MFSD1: variants seen among roughly 807,000 people sequenced by gnomAD.
MFSD1 encodes the protein lysosomal dipeptide transporter MFSD1.
MFSD1 carries 59 observed loss-of-function variants against 67.1 expected under a neutral mutation model. That is an observed-to-expected ratio of 0.88 (90% confidence interval 0.71 to 1.09). The LOEUF (loss-of-function observed/expected upper bound fraction) is 1.09. Ranked by LOEUF, MFSD1 falls within the 50% of genes least tolerant of loss-of-function variation. The pLI, the probability that MFSD1 is intolerant of heterozygous loss-of-function variation, is 0.00. For synonymous variants in MFSD1, 213 were observed against 200.3 expected (o/e 1.06, Z -0.54); for missense variants, 552 against 566.1 (o/e 0.97, Z 0.25).
chr3:158,807,560 C>T, intron 5 of MFSD1, 97 bp downstream of exon 5: 1 of 991,830 alleles, frequency 1.0e-6, no homozygotes, highest in Non-Finnish European at 1.5e-6. Flanking sequence ...TGGGGAATTA[C>T]TTCAAATCTT....
At chr3:158,813,588 A>C (rs1271931134) in intron 6 of MFSD1, among the ~76,000 whole-genome samples, 1 of 152,212 alleles carries the variant, frequency 6.6e-6, no homozygotes, top group African/African-American at 2.4e-5. Flanking sequence ...ATTCAGAGGA[A>C]GATGTTTTTC....
intron 7 of MFSD1, 127 bp from the exon 8 acceptor site, chr3:158,819,522 C>T (rs1023873635): frequency 3.4e-5 from 16 of 476,190 alleles, no homozygotes; most frequent in South Asian, 4.1e-5. Context: ...AGATTTTTCT[C>T]GTGTCTTTAT....
intron 6 of MFSD1, among the ~76,000 whole-genome samples, chr3:158,811,611 A>G (rs578218917): frequency 6.6e-6 from 1 of 152,338 alleles, no homozygotes; most frequent in East Asian, 1.9e-4. Context: ...GTGGGCAGAA[A>G]GGCAAGGGGG....
Position 158,820,212 on chromosome 3 carries a change from A to T in MFSD1, c.752-3A>T. On this transcript the variant is annotated splice_region_variant and splice_polypyrimidine_tract_variant and intron_variant, in intron 8 of 15. Transcript: ENST00000415822. ...TGATAGTGTCTTCCCTTTCTTCTCTAAGGTGAAGTTATTAAATTAACTGAT... is the reference window on the plus strand; with the variant it reads ...TGATAGTGTCTTCCCTTTCTTCTCTTAGGTGAAGTTATTAAATTAACTGAT... 4 of 1,533,408 alleles carry T rather than the reference A, an allele frequency of 2.6e-6. No individual in the cohort carries two copies. Among genetic ancestry groups the T allele is most frequent in the Non-Finnish European group, 3.6e-6 (4 of 1,107,084 alleles). The allele number at this position is 1,533,408 out of a possible 1,614,324, so 95.0% of individuals were successfully genotyped here.
intron 1 of MFSD1, 159 bp downstream of exon 1, chr3:158,802,474 C>G: frequency 2.3e-6 from 2 of 871,662 alleles, no homozygotes; most frequent in South Asian, 1.4e-5. Context: ...TCGATTCCAG[C>G]CACACCTGTG....
In MFSD1 at chr3:158,829,616, A is replaced by G. The variant is rs545574055; in HGVS notation, c.*634A>G. ...TTAGGGATGTAATTTTATAGTATAA[A>G]CTTTCTGTACAGTTTTTCTTATAGT... is the stretch of plus-strand genomic sequence containing the variant. On this transcript the variant is annotated 3_prime_UTR_variant, in exon 16 of 16. Coordinates refer to ENST00000415822, the MANE Select transcript of MFSD1 (RefSeq NM_022736.4). 6.6e-6 allele frequency: 1 copy of G among 152,298 alleles called. No homozygotes were observed. The highest frequency in any genetic ancestry group is 1.5e-5 in the Non-Finnish European group (1 of 68,014). 9.4% of individuals were successfully genotyped at this position (152,298 alleles called of 1,614,324 possible).
chr3:158,816,047 C>G (rs1730319375), intron 7 of MFSD1, among the ~76,000 whole-genome samples: 1 of 152,000 alleles, frequency 6.6e-6, no homozygotes, highest in African/African-American at 2.4e-5. Context: ...TTAATCCAGT[C>G]TATCATTGTT....
At chr3:158,822,503 G>C (rs919199462) in intron 11 of MFSD1, 2 of 155,956 alleles carry the variant, frequency 1.3e-5, no homozygotes, top group African/African-American at 2.4e-5. Context: ...AAATCTGTTG[G>C]ACCAGTAACT....
At position 158,829,115 on chromosome 3, in the gene MFSD1, C is replaced by A; in HGVS notation, c.*133C>A. The A allele has an allele frequency of 1.3e-6, 1 of 749,694 alleles. No homozygotes were observed. Among genetic ancestry groups the A allele is most frequent in the Non-Finnish European group, 2.0e-6 (1 of 489,448 alleles). The allele number at this position is 749,694 out of a possible 1,614,324, so 46.4% of individuals were successfully genotyped here. ...AAAGTTATATTTATATCCAAATATA[C>A]CTATTTCAAAGTGTATTTGTGAGGC... On this transcript the variant is annotated 3_prime_UTR_variant, in exon 16 of 16. Transcript: ENST00000415822.
intron 6 of MFSD1, among the ~76,000 whole-genome samples, chr3:158,812,602 A>C (rs1730087524): frequency 6.6e-6 from 1 of 152,148 alleles, no homozygotes; most frequent in South Asian, 2.1e-4. Flanking sequence ...GGCTAGGCCC[A>C]ATCATCTCTG....
chr3:158,821,809 T>G (rs1730693046), intron 10 of MFSD1, among the ~76,000 whole-genome samples, 156 bp downstream of exon 10: 4 of 152,248 alleles, frequency 2.6e-5, no homozygotes, highest in African/African-American at 7.2e-5. Context: ...TGGCTGTGTT[T>G]AAATTAGTGG....
intron 12 of MFSD1, 32 bp from the exon 13 acceptor site, chr3:158,824,092 T>A: frequency 6.7e-7 from 1 of 1,500,870 alleles, no homozygotes; most frequent in Non-Finnish European, 9.2e-7. Context: ...CTTTTGAAAA[T>A]GAAATGTGTC....
At chr3:158,802,476 A>C (rs1729508236) in intron 1 of MFSD1, 161 bp downstream of exon 1, 1 of 865,714 alleles carries the variant, frequency 1.2e-6, no homozygotes, top group Non-Finnish European at 1.9e-6. Flanking sequence ...GATTCCAGCC[A>C]CACCTGTGGA....
At chr3:158,804,473 G>C in intron 2 of MFSD1, 102 bp downstream of exon 2, 1 of 860,032 alleles carries the variant, frequency 1.2e-6, no homozygotes, top group Non-Finnish European at 1.8e-6. Context: ...CGTGTCCGCT[G>C]AATCTATTTT....
chr3:158,802,520 G>T (rs1333838726), intron 1 of MFSD1: 1 of 737,356 alleles, frequency 1.4e-6, no homozygotes, highest in Non-Finnish European at 2.4e-6. Context: ...GAACGTGGAG[G>T]TCGAGGGACT....
At chr3:158,820,839 C>T (rs1730632694) in intron 9 of MFSD1, among the ~76,000 whole-genome samples, 1 of 152,328 alleles carries the variant, frequency 6.6e-6, no homozygotes, top group East Asian at 1.9e-4. Flanking sequence ...TACAGGGTCA[C>T]TTCCATGACA....
At chr3:158,824,338 T>A in intron 13 of MFSD1, 102 bp downstream of exon 13, 1 of 794,534 alleles carries the variant, frequency 1.3e-6, no homozygotes, top group Non-Finnish European at 2.1e-6. Flanking sequence ...TTCTCACCTG[T>A]GAATTAGAAT....
In MFSD1 at chr3:158,819,641, T is replaced by A; in HGVS notation, c.653-8T>A. On this transcript the variant is annotated splice_region_variant and splice_polypyrimidine_tract_variant and intron_variant, in intron 7 of 15. Coordinates refer to ENST00000415822, the MANE Select transcript of MFSD1 (RefSeq NM_022736.4). Reference sequence around the variant, plus strand: ...GTCTGTTTTTCTTTTTTTTTTTTTTTTATTTAGGGGGTATAACGTGTATTC... The same window carrying A: ...GTCTGTTTTTCTTTTTTTTTTTTTTATATTTAGGGGGTATAACGTGTATTC... The A allele has an allele frequency of 1.4e-6, 2 of 1,398,690 alleles. No homozygotes were observed. Among genetic ancestry groups the A allele is most frequent in the Non-Finnish European group, 1.9e-6 (2 of 1,026,670 alleles). 86.6% of individuals were successfully genotyped at this position (1,398,690 alleles called of 1,614,324 possible).
intron 15 of MFSD1, 52 bp downstream of exon 15, chr3:158,827,389 G>T (rs757438146): frequency 3.4e-5 from 34 of 1,013,472 alleles, no homozygotes; most frequent in Middle Eastern, 2.2e-4. Context: ...TCTTAAATAT[G>T]AGCATTTCGT....
Sources: allele counts gnomAD v4.1 joint callset (sites outside exome capture counted in the v4.1 genomes callset), GRCh38; gene constraint gnomAD v4.1.1; transcripts MANE v1.5; gene names NCBI Gene and HGNC (gene_info 2026-07-23, HGNC 2026-07-21).